Variants in PCDHA10 observed in about 807,000 individuals in gnomAD.
PCDHA10 encodes protocadherin alpha-10.
A neutral mutation model predicts 61.2 loss-of-function variants in PCDHA10; 45 were observed. That is an observed-to-expected ratio of 0.74 (90% CI 0.58 to 0.94). PCDHA10 has a LOEUF of 0.94. Ranked by LOEUF, PCDHA10 falls within the 40% of genes least tolerant of loss-of-function variation. PCDHA10 has a pLI of 0.00. For synonymous variants in PCDHA10, 602 were observed against 548.8 expected, an observed-to-expected ratio of 1.10 and a Z score of -1.35; for missense variants, 1,278 against 1,236.2, an observed-to-expected ratio of 1.03 and a Z score of -0.51.
Position 140,856,831 on chromosome 5 carries a change from A to G in PCDHA10, c.783A>G (p.Ile261Met). ...ATCAAGTGAACCAAACATTAGTAAT[A>G]CGGCTCAACGCTTCTGATTCGGATG... Reference protein sequence around the residue: ...YENQVNQTLVIRLNASDSDEG... With the variant: ...YENQVNQTLVMRLNASDSDEG... The change falls in exon 1 of 4, where the codon ATA (isoleucine) becomes ATG (methionine). Residue 261 changes from isoleucine to methionine, a missense_variant. Physicochemically the swap from Ile to Met is conservative, Grantham distance 10 (BLOSUM62 1). Coordinates refer to ENST00000307360, the MANE Select transcript of PCDHA10 (RefSeq NM_018901.4). 1 of 1,591,946 alleles carries G rather than the reference A, an allele frequency of 6.3e-7. No homozygotes were observed. The highest frequency in any genetic ancestry group is 1.3e-5 in the African/African-American group (1 of 74,308).
chr5:140,875,438 T>A, intron 1 of PCDHA10: 1 of 1,568,134 alleles, frequency 6.4e-7, no homozygotes, highest in Non-Finnish European at 8.6e-7. Flanking sequence ...CCCTTAAAAC[T>A]GATTGTCCCA....
chr5:140,976,303 C>A (rs1458121600), intron 1 of PCDHA10, among the ~76,000 whole-genome samples: 10 of 152,090 alleles, frequency 6.6e-5, no homozygotes, highest in Non-Finnish European at 1.3e-4. Flanking sequence ...GTAATCCCAG[C>A]ACTTTGGGAG....
chr5:140,859,351 A>T (rs2045821296), intron 1 of PCDHA10: 1 of 247,508 alleles, frequency 4.0e-6, no homozygotes, highest in Non-Finnish European at 7.7e-6. Context: ...TTTTCTACTG[A>T]TCTGATATAT....
chr5:140,925,917 A>T (rs1480980894), intron 1 of PCDHA10, among the ~76,000 whole-genome samples: 1 of 151,098 alleles, frequency 6.6e-6, no homozygotes, highest in African/African-American at 2.5e-5. Context: ...CCGTTTGCAA[A>T]GCACTCCCAA....
chr5:140,877,135 G>C, intron 1 of PCDHA10: 1 of 1,613,790 alleles, frequency 6.2e-7, no homozygotes, highest in Non-Finnish European at 8.5e-7. Flanking sequence ...GCAGGTGTTC[G>C]TGCTGGACGA....
intron 1 of PCDHA10, among the ~76,000 whole-genome samples, chr5:140,935,798 G>T (rs1302798386): frequency 6.6e-6 from 1 of 151,552 alleles, no homozygotes; most frequent in Non-Finnish European, 1.5e-5. Context: ...ATATAAACGA[G>T]ATTATTTCAT....
chr5:140,943,257 C>CAAAAA (rs1238620023), intron 1 of PCDHA10, among the ~76,000 whole-genome samples: 3 of 77,348 alleles, frequency 3.9e-5, no homozygotes, highest in Non-Finnish European at 5.0e-5. Context: ...GACTCTGTCT[C>CAAAAA]AAAAAAAAAA....
chr5:140,919,954 T>G (rs1159524037), intron 1 of PCDHA10, among the ~76,000 whole-genome samples: 2 of 149,936 alleles, frequency 1.3e-5, no homozygotes, highest in East Asian at 4.0e-4. Context: ...AAAAGTTTGT[T>G]TTGTTTTTTA....
chr5:140,920,923 G>T (rs1229531762), intron 1 of PCDHA10, among the ~76,000 whole-genome samples: 1 of 151,200 alleles, frequency 6.6e-6, no homozygotes, highest in Non-Finnish European at 1.5e-5. Flanking sequence ...TCCAAGAGTA[G>T]GTGATCTAGC....
intron 2 of PCDHA10, 26 bp downstream of exon 2, chr5:140,979,033 C>G: frequency 6.2e-7 from 1 of 1,613,044 alleles, no homozygotes; most frequent in Admixed American, 1.7e-5. Flanking sequence ...CTCATTCACT[C>G]AGAAGTAACC....
At chr5:140,885,910 T>C (rs55634134) in intron 1 of PCDHA10, among the ~76,000 whole-genome samples, 4,308 of 152,302 alleles carry the variant, frequency 0.028, 189 homozygotes, top group African/African-American at 0.098. Context: ...CTGTACCTTA[T>C]AGATATTAAC....
intron 1 of PCDHA10, chr5:140,862,315 C>G (rs1554156143): frequency 3.2e-6 from 1 of 317,246 alleles, no homozygotes; most frequent in African/African-American, 2.2e-5. Context: ...CCGTCATAGC[C>G]CTAATCAGTG....
intron 1 of PCDHA10, among the ~76,000 whole-genome samples, chr5:140,958,321 AAAAT>A: frequency 1.3e-5 from 2 of 152,256 alleles, no homozygotes; most frequent in Middle Eastern, 6.8e-3. Context: ...TAGAGCTCAA[AAAAT>A]AAATAAATCA....
At chr5:140,924,596 T>C (rs1309205821) in intron 1 of PCDHA10, among the ~76,000 whole-genome samples, 1 of 152,116 alleles carries the variant, frequency 6.6e-6, no homozygotes, top group Non-Finnish European at 1.5e-5. Context: ...TATAGAAATA[T>C]GCAGGCTGAT....
intron 1 of PCDHA10, among the ~76,000 whole-genome samples, chr5:140,974,144 A>G (rs868918794): frequency 5.9e-5 from 9 of 152,268 alleles, no homozygotes; most frequent in African/African-American, 1.7e-4. Context: ...CCTGAAAACT[A>G]TACAAGGGTT....
chr5:140,883,330 T>G, intron 1 of PCDHA10: 3 of 1,614,182 alleles, frequency 1.9e-6, no homozygotes, highest in Middle Eastern at 1.6e-4. Flanking sequence ...CCATCACTTC[T>G]TTGTCACTCC....
At chr5:140,968,770 A>G in intron 1 of PCDHA10, 2 of 1,614,216 alleles carry the variant, frequency 1.2e-6, no homozygotes, top group Non-Finnish European at 1.7e-6. Context: ...ATGGAGAGCC[A>G]TCACTATCAG....
intron 1 of PCDHA10, chr5:140,866,569 A>G (rs1366987361): frequency 6.6e-6 from 1 of 152,162 alleles, no homozygotes; most frequent in Non-Finnish European, 1.5e-5. Flanking sequence ...TTTTGTTAAT[A>G]CAGTGGTTGG....
chr5:141,006,726 A>G (rs2098284944), intron 3 of PCDHA10, among the ~76,000 whole-genome samples: 1 of 152,172 alleles, frequency 6.6e-6, no homozygotes, highest in African/African-American at 2.4e-5. Flanking sequence ...CAGAAATGAC[A>G]GGTCTTGATG....
Sources: gnomAD v4.1 joint callset for allele counts (sites outside exome capture counted in the v4.1 genomes callset) on GRCh38, gnomAD v4.1.1 for gene constraint, MANE v1.5 for transcripts, NCBI Gene and HGNC (gene_info 2026-07-23, HGNC 2026-07-21) for gene names.